Variants in ZBTB8B observed in about 807,000 individuals in gnomAD.
The protein encoded by ZBTB8B is zinc finger and BTB domain-containing protein 8B.
In ZBTB8B, 17 loss-of-function variants were observed where a neutral mutation model predicts 30.3. The observed-to-expected ratio is 0.56, with a 90% confidence interval of 0.38 to 0.84. The LOEUF is 0.84. Among genes scored for constraint, ZBTB8B ranks in the 40% least tolerant of loss-of-function variants. ZBTB8B has a pLI of 0.00. For missense variants in ZBTB8B, 515 were observed against 644.9 expected (o/e 0.80, Z 2.18); for synonymous variants, 248 against 255.6 (o/e 0.97, Z 0.28).
At position 32,485,898 on chromosome 1, in the gene ZBTB8B, T is replaced by C. The variant is rs1570264237; in HGVS notation, c.*480T>C. The C allele has an allele frequency of 6.1e-6, 1 of 162,974 alleles. No individual in the cohort carries two copies. The highest frequency in any genetic ancestry group is 2.4e-5 in the African/African-American group (1 of 41,630). The allele number at this position is 162,974 out of a possible 1,614,324, so 10.1% of individuals were successfully genotyped here. On this transcript the variant is annotated 3_prime_UTR_variant, in exon 4 of 4. Coordinates refer to ENST00000609129, the MANE Select transcript of ZBTB8B (RefSeq NM_001145720.2). ...GCAAAGTATTAAAGAGAAACCTTCA[T>C]TGATATAAAGCAGGCAGGGCGGTCT...
rs564632987 is a variant in ZBTB8B at position 32,492,591 on chromosome 1, C to G, written c.*7173C>G. 1 of 152,188 alleles carries G rather than the reference C, an allele frequency of 6.6e-6. No homozygotes were observed. The highest frequency in any genetic ancestry group is 2.1e-4 in the South Asian group (1 of 4,826). The allele number at this position is 152,188 out of a possible 1,614,324, so 9.4% of individuals were successfully genotyped here. A position where few individuals can be genotyped will look rare whatever the true frequency, so the allele number is the denominator to read the frequency against. Reference sequence around the variant, plus strand: ...GATTACAGGCGTGAGTCACTGCGTCCGGCCTGCTCTTGGAAACCGTGCCTC... The same window carrying G: ...GATTACAGGCGTGAGTCACTGCGTCGGGCCTGCTCTTGGAAACCGTGCCTC... On this transcript the variant is annotated 3_prime_UTR_variant, in exon 4 of 4. Transcript: ENST00000609129.
intron 2 of ZBTB8B, among the ~76,000 whole-genome samples, chr1:32,478,380 T>G (rs1386122676): frequency 6.6e-6 from 1 of 151,756 alleles, no homozygotes; most frequent in Non-Finnish European, 1.5e-5. Context: ...GGCATGGTGG[T>G]GTGCACCTGT....
Position 32,465,511 on chromosome 1 carries a change from C to A in ZBTB8B, c.-42+406C>A, listed in dbSNP as rs1643564470. The stretch of plus-strand genomic sequence containing the variant: ...TGGGGTCCCACCCTCGGGGGCCGTG[C>A]CCTGTAGCTGGTTCTGGTGGCCTCT... On this transcript the variant is annotated intron_variant, in intron 1 of 3. Transcript: ENST00000609129. This position sits in a 1 kb window ranked among gnomAD's most constrained non-coding sequence, Gnocchi z 4.1. Among the ~76,000 whole-genome samples the A allele has an allele frequency of 6.6e-6, 1 of 152,234 alleles. No homozygotes were observed. Among genetic ancestry groups the A allele is most frequent in the South Asian group, 2.1e-4 (1 of 4,826 alleles).
chr1:32,466,633 G>A (rs1315984002), intron 1 of ZBTB8B, among the ~76,000 whole-genome samples: 1 of 152,072 alleles, frequency 6.6e-6, no homozygotes, highest in Non-Finnish European at 1.5e-5. Context: ...TATACGGATA[G>A]ACTTTTGCAA....
At chr1:32,483,063 C>T (rs911457441) in intron 3 of ZBTB8B, among the ~76,000 whole-genome samples, 4 of 151,182 alleles carry the variant, frequency 2.6e-5, no homozygotes, top group Non-Finnish European at 4.4e-5. Flanking sequence ...GAGCCCCTAT[C>T]GGCTGGAGTT....
intron 1 of ZBTB8B, among the ~76,000 whole-genome samples, chr1:32,466,858 C>T (rs925387672): frequency 7.9e-5 from 12 of 152,140 alleles, no homozygotes; most frequent in African/African-American, 2.4e-4. Context: ...TTACCAACTC[C>T]TTACCCCTCT....
intron 1 of ZBTB8B, among the ~76,000 whole-genome samples, 168 bp from the exon 2 acceptor site, chr1:32,470,416 C>T (rs78913357): frequency 0.01 from 1,425 of 136,020 alleles, 16 homozygotes; most frequent in African/African-American, 0.011. Context: ...AGGAGGATGG[C>T]GTGAACCCAG....
At position 32,466,403 on chromosome 1, in the gene ZBTB8B, T is replaced by C. The variant is rs1026306923; in HGVS notation, c.-42+1298T>C. On this transcript the variant is annotated intron_variant, in intron 1 of 3. Coordinates refer to ENST00000609129, the MANE Select transcript of ZBTB8B (RefSeq NM_001145720.2). ...TTGTATGTAGCCGGTAACCGTTGAATTGAGTTGGAACCGTGGGATGGTTGG... is the reference window on the plus strand; with the variant it reads ...TTGTATGTAGCCGGTAACCGTTGAACTGAGTTGGAACCGTGGGATGGTTGG... Among the ~76,000 whole-genome samples the C allele has an allele frequency of 2.0e-5, 3 of 152,260 alleles. 1 individual carries two copies. The South Asian group carries it at 6.2e-4, about 32-fold the overall frequency.
chr1:32,491,359 T>TAA lies in ZBTB8B; in HGVS notation c.*5942_*5943dup, dbSNP rs1222274931. The TAA allele has an allele frequency of 6.6e-6, 1 of 152,144 alleles. No individual in the cohort carries two copies. Among genetic ancestry groups the TAA allele is most frequent in the Non-Finnish European group, 1.5e-5 (1 of 68,030 alleles). The allele number at this position is 152,144 out of a possible 1,614,324, so 9.4% of individuals were successfully genotyped here. On this transcript the variant is annotated 3_prime_UTR_variant, in exon 4 of 4. Transcript: ENST00000609129. ...TACTGCCATCAGAAAAACATGCAAA[T>TAA]AATACTGCAGTGCCCTCCAAGGGTC...
chr1:32,466,737 A>G (rs1027180676), intron 1 of ZBTB8B, among the ~76,000 whole-genome samples: 3 of 152,118 alleles, frequency 2.0e-5, no homozygotes, highest in African/African-American at 4.8e-5. Context: ...TATTTCTGGA[A>G]AGGAGGCTTT....
At chr1:32,475,250 C>T (rs1643653297) in intron 2 of ZBTB8B, among the ~76,000 whole-genome samples, 1 of 152,190 alleles carries the variant, frequency 6.6e-6, no homozygotes, top group African/African-American at 2.4e-5. Context: ...GACATGGATG[C>T]AGCCCTCAAA....
At chr1:32,474,537 A>AAAAAAGG (rs1333856048) in intron 2 of ZBTB8B, among the ~76,000 whole-genome samples, 1 of 151,704 alleles carries the variant, frequency 6.6e-6, no homozygotes, top group Non-Finnish European at 1.5e-5. Context: ...TGTCTCAAAA[A>AAAAAAGG]AAAAAGGAAA....
chr1:32,484,512 C>T lies in ZBTB8B; in HGVS notation c.1171-589C>T, dbSNP rs560739959. Among the ~76,000 whole-genome samples the T allele has an allele frequency of 4.6e-5, 7 of 152,146 alleles. No homozygotes were observed. The East Asian group carries it at 7.7e-4, about 17-fold the overall frequency. On this transcript the variant is annotated intron_variant, in intron 3 of 3. Transcript: ENST00000609129. This position sits in a 1 kb window ranked among gnomAD's most constrained non-coding sequence, Gnocchi z 4.5. Reference sequence around the variant, plus strand: ...ATGTCCCACATGTGTCCGGTGGCTCCGGGGTAGAAAGAACCTTGGTAAGAT... The same window carrying T: ...ATGTCCCACATGTGTCCGGTGGCTCTGGGGTAGAAAGAACCTTGGTAAGAT...
chr1:32,470,733 G>A lies in ZBTB8B; in HGVS notation c.109G>A (p.Ala37Thr). 6.4e-7 allele frequency: 1 copy of A among 1,551,768 alleles called. No homozygotes were observed. ...SIIVEGRIFK[A>T]HRNILFANSG... ...CATTGTGGAAGGGCGGATCTTCAAG[G>A]CCCACAGGAACATTTTGTTTGCTAA... is the stretch of plus-strand genomic sequence containing the variant. The change falls in exon 2 of 4, where the codon GCC becomes ACC. Residue 37 changes from alanine to threonine, a missense_variant. By Grantham distance (58) the Ala-to-Thr change is moderately conservative. Coordinates refer to ENST00000609129, the MANE Select transcript of ZBTB8B (RefSeq NM_001145720.2).
intron 1 of ZBTB8B, among the ~76,000 whole-genome samples, chr1:32,466,769 C>T (rs990372428): frequency 2.0e-5 from 3 of 152,018 alleles, no homozygotes; most frequent in Admixed American, 2.0e-4. Context: ...ACGGAAGTGC[C>T]CTGGGAAGAG....
intron 3 of ZBTB8B, among the ~76,000 whole-genome samples, chr1:32,481,713 C>A (rs1643706857): frequency 6.6e-6 from 1 of 152,136 alleles, no homozygotes; most frequent in African/African-American, 2.4e-5. Context: ...GTTTGTTGTA[C>A]AGATTATTTC....
intron 2 of ZBTB8B, among the ~76,000 whole-genome samples, chr1:32,477,145 A>G (rs1643671066): frequency 6.6e-6 from 1 of 152,202 alleles, no homozygotes; most frequent in Non-Finnish European, 1.5e-5. Flanking sequence ...CCTTGCTCAA[A>G]GTTAACCTCT....
Position 32,485,998 on chromosome 1 carries a change from AC to A in ZBTB8B, c.*581del, listed in dbSNP as rs1643742569. The stretch of plus-strand genomic sequence containing the variant: ...GCTTGGAATACTTATGGGCAGACGA[AC>A]ATGGGAATGATCTGAAAGGCTCATT... On this transcript the variant is annotated 3_prime_UTR_variant, in exon 4 of 4. Transcript: ENST00000609129. 1 of 153,638 alleles carries A rather than the reference AC, an allele frequency of 6.5e-6. No homozygotes were observed. The highest frequency in any genetic ancestry group is 1.4e-5 in the Non-Finnish European group (1 of 69,050). 9.5% of individuals were successfully genotyped at this position (153,638 alleles called of 1,614,324 possible). A position where few individuals can be genotyped will look rare whatever the true frequency, so the allele number is the denominator to read the frequency against.
intron 1 of ZBTB8B, among the ~76,000 whole-genome samples, chr1:32,467,331 C>G (rs1469568257): frequency 2.0e-5 from 3 of 151,580 alleles, no homozygotes; most frequent in African/African-American, 7.3e-5. Flanking sequence ...CAGCCTCCGC[C>G]TCCACCGCCT....
Sources: allele counts gnomAD v4.1 joint callset (sites outside exome capture counted in the v4.1 genomes callset), GRCh38; gene constraint gnomAD v4.1.1; non-coding constraint Gnocchi (gnomAD v3.1); transcripts MANE v1.5; gene names NCBI Gene and HGNC (gene_info 2026-07-23, HGNC 2026-07-21).